CHD9: variants seen among roughly 807,000 people sequenced by gnomAD.
CHD9 encodes ATP-dependent chromatin remodeler CHD9.
CHD9 carries 77 observed loss-of-function variants against 316.1 expected under a neutral mutation model. The ratio of observed to expected loss-of-function variants is 0.24; its 90% CI spans 0.20 to 0.29. CHD9 has a LOEUF of 0.29. Ranked by LOEUF, CHD9 falls within the 10% of genes least tolerant of loss-of-function variation. The pLI, the probability that CHD9 is intolerant of heterozygous loss-of-function variation, is 1.00. For synonymous variants in CHD9, 1,129 were observed against 1,158.3 expected, an observed-to-expected ratio of 0.97 and a Z score of 0.51; for missense variants, 2,763 against 3,438.1, an observed-to-expected ratio of 0.80 and a Z score of 4.91.
chr16:53,057,350 T>TAA (rs908517146), intron 1 of CHD9, among the ~76,000 whole-genome samples: 7 of 141,140 alleles, frequency 5.0e-5, no homozygotes, highest in African/African-American at 1.8e-4. Context: ...TTGGCTCATT[T>TAA]AAAAAAAAAA....
chr16:53,095,382 C>CA (rs1157184516), intron 1 of CHD9, among the ~76,000 whole-genome samples: 2 of 151,390 alleles, frequency 1.3e-5, no homozygotes, highest in Non-Finnish European at 2.9e-5. Flanking sequence ...CCTGTCTCTA[C>CA]AAAAAAATTT....
At chr16:53,272,621 A>G (rs1444260171) in intron 22 of CHD9, among the ~76,000 whole-genome samples, 1 of 152,234 alleles carries the variant, frequency 6.6e-6, no homozygotes, top group Non-Finnish European at 1.5e-5. Flanking sequence ...TAGATGAATT[A>G]GAGCCTCATG....
At chr16:53,184,853 A>AAGCCCCTTTTATAAGGGGCT (rs1454084992) in intron 2 of CHD9, among the ~76,000 whole-genome samples, 15 of 152,260 alleles carry the variant, frequency 9.9e-5, no homozygotes, top group African/African-American at 3.4e-4. Flanking sequence ...GAGATCTCAC[A>AAGCCCCTTTTATAAGGGGCT]AGCCCCTTTT....
In CHD9 at chr16:53,158,251, C is replaced by T. The variant is rs116624473; in HGVS notation, c.1452+710C>T. ...AACCCAGACATAGCAGAAGTATATA[C>T]CCAAAGATATTTGTCTTAATATACT... On this transcript the variant is annotated intron_variant, in intron 2 of 38. Coordinates refer to ENST00000447540, the MANE Select transcript of CHD9 (RefSeq NM_001308319.2). Among the ~76,000 whole-genome samples the T allele has an allele frequency of 2.3e-3, 356 of 152,116 alleles. 1 individual carries two copies. The highest frequency in any genetic ancestry group is 8.0e-3 in the African/African-American group (333 of 41,508).
chr16:53,058,594 G>T (rs2032456242), intron 1 of CHD9, among the ~76,000 whole-genome samples: 1 of 152,186 alleles, frequency 6.6e-6, no homozygotes, highest in Non-Finnish European at 1.5e-5. Flanking sequence ...GGAGTGTGGT[G>T]GTGAAAGGGA....
chr16:53,077,528 C>T (rs1157794638), intron 1 of CHD9, among the ~76,000 whole-genome samples: 1 of 151,404 alleles, frequency 6.6e-6, no homozygotes, highest in Non-Finnish European at 1.5e-5. Flanking sequence ...GGGGTTTCAC[C>T]ATGTTAGCCA....
intron 19 of CHD9, among the ~76,000 whole-genome samples, chr16:53,262,070 T>G (rs1420589242): frequency 2.6e-5 from 4 of 152,168 alleles, no homozygotes; most frequent in Non-Finnish European, 4.4e-5. Flanking sequence ...TTTGTATCCC[T>G]GATAATTGGG....
intron 2 of CHD9, among the ~76,000 whole-genome samples, chr16:53,171,704 T>A (rs1352286677): frequency 6.6e-6 from 1 of 151,916 alleles, no homozygotes; most frequent in Non-Finnish European, 1.5e-5. Context: ...CCAAAAAATG[T>A]AGCCAAGTGT....
rs567561407 is a variant in CHD9 at position 53,233,487 on chromosome 16, C to T, written c.2512-1698C>T. ...TTCAGCTCCCTGGAAGTGTTCAGCT[C>T]CTGGAAGTTCACTAAACCCTGTCCT... is the stretch of plus-strand genomic sequence containing the variant. On this transcript the variant is annotated intron_variant, in intron 10 of 38. Transcript: ENST00000447540. 1.1e-4 allele frequency among the ~76,000 whole-genome samples: 16 copies of T among 152,250 alleles called. No homozygotes were observed. In the South Asian group the frequency reaches 1.2e-3, roughly 12 times the overall value.
intron 19 of CHD9, among the ~76,000 whole-genome samples, chr16:53,256,189 C>T (rs540130351): frequency 6.6e-6 from 1 of 151,866 alleles, no homozygotes; most frequent in African/African-American, 2.4e-5. Flanking sequence ...TCTGGCCGGG[C>T]GAGGTGGTTC....
intron 1 of CHD9, among the ~76,000 whole-genome samples, chr16:53,096,788 C>A (rs1300221693): frequency 6.6e-6 from 1 of 152,114 alleles, no homozygotes; most frequent in Non-Finnish European, 1.5e-5. Flanking sequence ...GTCAAGGGGT[C>A]CTATCTGGTG....
At chr16:53,274,156 G>A (rs927931082) in intron 23 of CHD9, 57 bp from the exon 24 acceptor site, 6 of 1,079,170 alleles carry the variant, frequency 5.6e-6, no homozygotes, top group Middle Eastern at 2.0e-4. Context: ...CCCCATGTCC[G>A]AATATTTTAA....
chr16:53,212,159 T>C (rs1018567910), intron 3 of CHD9, among the ~76,000 whole-genome samples: 5 of 152,136 alleles, frequency 3.3e-5, no homozygotes, highest in African/African-American at 1.2e-4. Flanking sequence ...CCCAGCACTT[T>C]GGGAGGCCGA....
At chr16:53,261,569 G>A (rs982800691) in intron 19 of CHD9, among the ~76,000 whole-genome samples, 1 of 151,828 alleles carries the variant, frequency 6.6e-6, no homozygotes, top group East Asian at 1.9e-4. Context: ...CAGAGATGGG[G>A]TCTCACTATG....
intron 22 of CHD9, among the ~76,000 whole-genome samples, chr16:53,270,000 C>A (rs1267138323): frequency 6.6e-6 from 1 of 151,706 alleles, no homozygotes; most frequent in Non-Finnish European, 1.5e-5. Context: ...GGTCTGGGGA[C>A]TTTATTTTTA....
intron 24 of CHD9, among the ~76,000 whole-genome samples, chr16:53,282,742 G>A (rs746042701): frequency 2.0e-5 from 3 of 152,156 alleles, no homozygotes; most frequent in African/African-American, 4.8e-5. Flanking sequence ...TGCCAAATTT[G>A]ATGGATATAC....
chr16:53,127,662 T>G (rs1359551002), intron 1 of CHD9, among the ~76,000 whole-genome samples: 1 of 152,080 alleles, frequency 6.6e-6, no homozygotes, highest in Admixed American at 6.6e-5. Context: ...GGCTCACACC[T>G]GTAATCCCAG....
intron 2 of CHD9, among the ~76,000 whole-genome samples, chr16:53,195,510 C>T (rs1352113652): frequency 6.6e-6 from 1 of 152,046 alleles, no homozygotes; most frequent in Non-Finnish European, 1.5e-5. Context: ...ACCAAGGTGT[C>T]AACTTGGGCT....
rs746127217 is a variant in CHD9, at chr16:53,157,036, G to A, written c.947G>A (p.Gly316Glu). 6 of 1,612,770 alleles carry A rather than the reference G, an allele frequency of 3.7e-6. No individual in the cohort carries two copies. Among genetic ancestry groups the A allele is most frequent in the South Asian group, 3.3e-5 (3 of 91,052 alleles). The change falls in exon 2 of 39, where the codon GGA becomes GAA. Residue 316 changes from glycine (G) to glutamate (E), a missense_variant. Physicochemically the swap from Gly to Glu is moderately conservative, Grantham distance 98. This residue lies in a region of CHD9 where 859 missense variants were observed against 890.4 expected (regional missense o/e 0.96). Transcript: ENST00000447540. ...AGTAATTCCTTTTCACCTCATAGAG[G>A]AATCAAGCAAGAATCTACTCAGCAT... ...TGSNSFSPHRGIKQESTQHIL... is the reference protein window; with the variant it reads ...TGSNSFSPHREIKQESTQHIL...
Sources: gnomAD v4.1 joint callset for allele counts (sites outside exome capture counted in the v4.1 genomes callset) on GRCh38, gnomAD v4.1.1 for gene constraint, gnomAD v4.1.1 regional missense constraint, MANE v1.5 for transcripts, NCBI Gene and HGNC (gene_info 2026-07-23, HGNC 2026-07-21) for gene names.